FNBP1: variants seen among roughly 807,000 people sequenced by gnomAD.
FNBP1 encodes the protein formin-binding protein 1.
Under a neutral mutation model 90.6 loss-of-function variants are expected in FNBP1, and 26 were observed. That is an observed-to-expected ratio of 0.29 (90% CI 0.21 to 0.40). The LOEUF is 0.40. Among genes scored for constraint, FNBP1 ranks in the 10% least tolerant of loss-of-function variants. FNBP1 has a pLI of 1.00. For missense variants in FNBP1, 635 were observed against 768.0 expected (o/e 0.83, Z 2.05); for synonymous variants, 260 against 265.2 (o/e 0.98, Z 0.19).
chr9:129,905,731 G>A (rs1271224209), intron 12 of FNBP1, among the ~76,000 whole-genome samples: 1 of 152,114 alleles, frequency 6.6e-6, no homozygotes, highest in Non-Finnish European at 1.5e-5. Flanking sequence ...TATGCATTCA[G>A]AGCAATAAAT....
rs560986957 is a variant in FNBP1 at position 130,001,462 on chromosome 9, C to T, written c.25-6504G>A. ...TGTAACGTTGGTGCAAATGTCAACA[C>T]GGTTAAAAAGACAATCCTTAATAAA... On this transcript the variant is annotated intron_variant, in intron 1 of 16. Coordinates refer to ENST00000446176, the MANE Select transcript of FNBP1 (RefSeq NM_015033.3). 5.3e-5 allele frequency among the ~76,000 whole-genome samples: 8 copies of T among 152,248 alleles called. No homozygotes were observed. In the East Asian group the frequency reaches 5.8e-4, roughly 11 times the overall value.
intron 1 of FNBP1, among the ~76,000 whole-genome samples, chr9:130,014,304 T>C (rs1327599953): frequency 6.7e-6 from 1 of 150,168 alleles, no homozygotes; most frequent in Non-Finnish European, 1.5e-5. Flanking sequence ...CAGGCTGGAG[T>C]GCAATGGCGC....
intron 2 of FNBP1, among the ~76,000 whole-genome samples, chr9:129,980,937 G>A (rs2051133610): frequency 6.6e-6 from 1 of 151,314 alleles, no homozygotes; most frequent in Non-Finnish European, 1.5e-5. Context: ...TGTAGTCCCA[G>A]CTACTCGGGA....
At position 130,015,749 on chromosome 9, in the gene FNBP1, G is replaced by A. The variant is rs549735971; in HGVS notation, c.25-20791C>T. Among the ~76,000 whole-genome samples, 42 of 152,194 alleles carry A rather than the reference G, an allele frequency of 2.8e-4. No individual in the cohort carries two copies. In the East Asian group the frequency reaches 4.2e-3, roughly 15 times the overall value. On this transcript the variant is annotated intron_variant, in intron 1 of 16. Transcript: ENST00000446176. Reference sequence around the variant, plus strand: ...GAATGCATTGGCACAATTTCGGCTCGCTGTAACCTCAACCTCCTGGGCTCA... The same window carrying A: ...GAATGCATTGGCACAATTTCGGCTCACTGTAACCTCAACCTCCTGGGCTCA...
intron 1 of FNBP1, among the ~76,000 whole-genome samples, chr9:130,010,749 CA>C (rs1326432523): frequency 1.4e-5 from 2 of 139,082 alleles, no homozygotes; most frequent in African/African-American, 2.7e-5. Context: ...TTGTCTAAGC[CA>C]CTTTTCTTTG....
At chr9:129,915,897 TA>T (rs1477881541) in intron 11 of FNBP1, 68 bp downstream of exon 11, 1 of 1,083,752 alleles carries the variant, frequency 9.2e-7, no homozygotes, top group African/African-American at 1.6e-5. Flanking sequence ...GTGCATGGCA[TA>T]GCATTCATAA....
intron 2 of FNBP1, among the ~76,000 whole-genome samples, chr9:129,982,790 G>A (rs1301060471): frequency 6.6e-6 from 1 of 152,060 alleles, no homozygotes; most frequent in African/African-American, 2.4e-5. Flanking sequence ...AGCCTCCCAA[G>A]TAGCTAGGAC....
chr9:129,936,846 G>A (rs140430843), intron 6 of FNBP1, among the ~76,000 whole-genome samples: 5,684 of 152,112 alleles, frequency 0.037, 104 homozygotes, highest in South Asian at 0.07. Context: ...AATCCTATTC[G>A]TATTTCTCTA....
chr9:129,993,797 G>A (rs2053579697), intron 2 of FNBP1, among the ~76,000 whole-genome samples: 1 of 151,606 alleles, frequency 6.6e-6, no homozygotes. Context: ...ACTAATTTTT[G>A]TATTTTTAGT....
chr9:129,899,797 A>AGG (rs1206265243), intron 15 of FNBP1, among the ~76,000 whole-genome samples, 168 bp downstream of exon 15: 2 of 133,424 alleles, frequency 1.5e-5, no homozygotes, highest in African/African-American at 2.9e-5. Context: ...AAGGGAAGGA[A>AGG]GGAAGGGGAA....
Position 129,890,523 on chromosome 9 carries a change from T to TC in FNBP1, c.*15dup. ...TCCTCCAGGAAGGCTCACCCGAGGC[T>TC]CGCAGGCACTCCCCTCTAGGAATCT... On this transcript the variant is annotated 3_prime_UTR_variant, in exon 17 of 17. Transcript: ENST00000446176. The surrounding 1 kb of genome is among the most constrained non-coding windows in gnomAD (Gnocchi z 5.8). 1 of 1,584,462 alleles carries TC rather than the reference T, an allele frequency of 6.3e-7. No individual in the cohort carries two copies. Among genetic ancestry groups the TC allele is most frequent in the Non-Finnish European group, 8.6e-7 (1 of 1,166,054 alleles).
intron 9 of FNBP1, 132 bp from the exon 10 acceptor site, chr9:129,924,158 C>A: frequency 2.2e-6 from 2 of 915,184 alleles, no homozygotes; most frequent in Non-Finnish European, 1.6e-6. Context: ...AGGCCATGGT[C>A]CAAAAGAAAA....
intron 2 of FNBP1, among the ~76,000 whole-genome samples, chr9:129,986,258 C>T (rs1468754792): frequency 6.6e-6 from 1 of 152,056 alleles, no homozygotes; most frequent in East Asian, 1.9e-4. Context: ...AAAAATCACC[C>T]TCCTTCAGAT....
rs2034895820 is a variant in FNBP1 at position 129,888,925 on chromosome 9, A to C, written c.*1614T>G. 1.3e-5 allele frequency: 3 copies of C among 231,474 alleles called. No individual in the cohort carries two copies. The highest frequency in any genetic ancestry group is 5.6e-5 in the Admixed American group (1 of 17,702). 14.3% of individuals were successfully genotyped at this position (231,474 alleles called of 1,614,324 possible). On this transcript the variant is annotated 3_prime_UTR_variant, in exon 17 of 17. Coordinates refer to ENST00000446176, the MANE Select transcript of FNBP1 (RefSeq NM_015033.3). ...AGAGGAACTGAGGATGCTTGAGGGG[A>C]CCACCTAGTTACCAAAGCCAAGCAA...
At chr9:129,979,535 T>C (rs1276291710) in intron 2 of FNBP1, among the ~76,000 whole-genome samples, 161 bp from the exon 3 acceptor site, 1 of 152,224 alleles carries the variant, frequency 6.6e-6, no homozygotes, top group Non-Finnish European at 1.5e-5. Context: ...GTGATGAAGC[T>C]ACTGTTATTA....
At chr9:130,012,595 T>C (rs1428219116) in intron 1 of FNBP1, among the ~76,000 whole-genome samples, 1 of 152,160 alleles carries the variant, frequency 6.6e-6, no homozygotes. Context: ...CAATATAGGA[T>C]AATATCTTTT....
intron 6 of FNBP1, among the ~76,000 whole-genome samples, chr9:129,935,318 CT>C (rs1323259179): frequency 4.0e-5 from 6 of 151,732 alleles, no homozygotes; most frequent in African/African-American, 1.5e-4. Context: ...TTACTTTTTC[CT>C]TAATATTTCA....
chr9:129,996,197 A>G (rs941719940), intron 1 of FNBP1, among the ~76,000 whole-genome samples: 4 of 152,222 alleles, frequency 2.6e-5, no homozygotes, highest in African/African-American at 9.6e-5. Flanking sequence ...AGAGCTGGAA[A>G]CACAGAAGGA....
chr9:129,890,291 G>A lies in FNBP1; in HGVS notation c.*248C>T, dbSNP rs1306850471. 5.0e-5 allele frequency: 27 copies of A among 539,862 alleles called. No homozygotes were observed. The Admixed American group carries it at 8.2e-4, about 16-fold the overall frequency. 33.4% of individuals were successfully genotyped at this position (539,862 alleles called of 1,614,324 possible). On this transcript the variant is annotated 3_prime_UTR_variant, in exon 17 of 17. Transcript: ENST00000446176. The surrounding 1 kb of genome is among the most constrained non-coding windows in gnomAD (Gnocchi z 5.8). ...CAGTGGCCTGCGCGGGGTGGGGAGG[G>A]GGAGCGATGAGGACTGACCCGAGCC... is the stretch of plus-strand genomic sequence containing the variant.
Sources: allele counts gnomAD v4.1 joint callset (sites outside exome capture counted in the v4.1 genomes callset), GRCh38; gene constraint gnomAD v4.1.1; non-coding constraint Gnocchi (gnomAD v3.1); transcripts MANE v1.5; gene names NCBI Gene and HGNC (gene_info 2026-07-23, HGNC 2026-07-21).